The following FHOD3 variants were observed in gnomAD, a reference collection of about 807,000 sequenced individuals.
The protein encoded by FHOD3 is FH1/FH2 domain-containing protein 3.
FHOD3 carries 90 observed loss-of-function variants against 173.0 expected under a neutral mutation model. The ratio of observed to expected loss-of-function variants is 0.52; its 90% confidence interval spans 0.44 to 0.62. The LOEUF (loss-of-function observed/expected upper bound fraction) is 0.62, where lower values mean the gene tolerates loss of function less well. FHOD3 is among the 20% of genes least tolerant of loss of function. The probability of loss-of-function intolerance (pLI) is 0.00; values close to 1 mark genes in which losing one functional copy is unlikely to be tolerated. For missense variants in FHOD3, 1,945 were observed against 2,034.7 expected (o/e 0.96, Z 0.85); for synonymous variants, 828 against 823.0 (o/e 1.01, Z -0.10).
At chr18:36,335,493 TAAA>T (rs56991651) in intron 1 of FHOD3, among the ~76,000 whole-genome samples, 1 of 128,982 alleles carries the variant, frequency 7.8e-6, no homozygotes, top group Non-Finnish European at 1.7e-5. Context: ...AGACTCCGTC[TAAA>T]AAAAAAAAAA....
At chr18:36,649,987 C>A (rs1413977700) in intron 11 of FHOD3, among the ~76,000 whole-genome samples, 1 of 152,094 alleles carries the variant, frequency 6.6e-6, no homozygotes, top group Admixed American at 6.6e-5. Flanking sequence ...ATCTACTCAC[C>A]TCCTCTGCAT....
intron 10 of FHOD3, among the ~76,000 whole-genome samples, chr18:36,643,098 C>T (rs535000743): frequency 1.3e-5 from 2 of 152,172 alleles, no homozygotes; most frequent in African/African-American, 4.8e-5. Flanking sequence ...TGGATTTTCA[C>T]TGCCTGGAAT....
intron 17 of FHOD3, among the ~76,000 whole-genome samples, chr18:36,700,662 C>A (rs971358796): frequency 2.6e-5 from 4 of 152,024 alleles, no homozygotes; most frequent in African/African-American, 7.2e-5. Context: ...TCTCAGCAAC[C>A]CAATTTAAAA....
intron 20 of FHOD3, among the ~76,000 whole-genome samples, chr18:36,739,615 G>T (rs2041807961): frequency 6.6e-6 from 1 of 152,168 alleles, no homozygotes; most frequent in Non-Finnish European, 1.5e-5. Context: ...GTCTCTCCAT[G>T]TGTTTATTAT....
chr18:36,365,667 TG>T (rs2046864704), intron 2 of FHOD3, among the ~76,000 whole-genome samples: 1 of 152,234 alleles, frequency 6.6e-6, no homozygotes, highest in Admixed American at 6.5e-5. Flanking sequence ...GTGGGTTTTA[TG>T]GTACCTAAAT....
intron 28 of FHOD3, among the ~76,000 whole-genome samples, chr18:36,770,299 A>G (rs1248903757): frequency 6.6e-6 from 1 of 152,228 alleles, no homozygotes; most frequent in Non-Finnish European, 1.5e-5. Context: ...CAAAAGTGAA[A>G]GGAGCATGAG....
chr18:36,325,213 T>C (rs1242378900), intron 1 of FHOD3, among the ~76,000 whole-genome samples: 1 of 152,158 alleles, frequency 6.6e-6, no homozygotes, highest in Non-Finnish European at 1.5e-5. Context: ...CTCTGGGTGC[T>C]AGTAGTGCAA....
intron 6 of FHOD3, among the ~76,000 whole-genome samples, chr18:36,588,681 G>T (rs886456579): frequency 1.3e-5 from 2 of 152,104 alleles, no homozygotes; most frequent in Non-Finnish European, 2.9e-5. Context: ...TATAGTTCTT[G>T]TATTTCTGTA....
At chr18:36,556,169 C>A (rs9958510) in intron 5 of FHOD3, among the ~76,000 whole-genome samples, 1 of 151,842 alleles carries the variant, frequency 6.6e-6, no homozygotes, top group Admixed American at 6.6e-5. Flanking sequence ...TAAATAGTGT[C>A]TTTTTAGCTG....
At position 36,746,906 on chromosome 18, in the gene FHOD3, C is replaced by A. The variant is rs375444474; in HGVS notation, c.4042-39C>A. ...TCTCTCAGTTCAGGCTGGTGTCCGG[C>A]GGTTTCAGTGTTTGCAGTGTTCTCG... On this transcript the variant is annotated intron_variant, in intron 23 of 28. Coordinates refer to ENST00000590592, the MANE Select transcript of FHOD3 (RefSeq NM_001281740.3). 7 of 1,504,340 alleles carry A rather than the reference C, an allele frequency of 4.7e-6. No individual in the cohort carries two copies. The African/African-American group carries it at 8.4e-5, about 18-fold the overall frequency. The allele number at this position is 1,504,340 out of a possible 1,614,324, so 93.2% of individuals were successfully genotyped here.
At chr18:36,618,558 C>G (rs1293969082) in intron 9 of FHOD3, among the ~76,000 whole-genome samples, 1 of 152,104 alleles carries the variant, frequency 6.6e-6, no homozygotes, top group Non-Finnish European at 1.5e-5. Context: ...GTGATCCACC[C>G]TCCTCGGCCT....
At chr18:36,452,531 G>A (rs2051916976) in intron 3 of FHOD3, among the ~76,000 whole-genome samples, 1 of 152,162 alleles carries the variant, frequency 6.6e-6, no homozygotes, top group South Asian at 2.1e-4. Flanking sequence ...GCATAGTACA[G>A]CAGATCTTTA....
chr18:36,534,714 G>A (rs2056923576), intron 5 of FHOD3, among the ~76,000 whole-genome samples: 1 of 152,176 alleles, frequency 6.6e-6, no homozygotes, highest in Non-Finnish European at 1.5e-5. Context: ...TTCAAAAGAT[G>A]TAGAGGACTG....
At chr18:36,619,242 C>T (rs1035326597) in intron 9 of FHOD3, among the ~76,000 whole-genome samples, 2 of 152,314 alleles carry the variant, frequency 1.3e-5, no homozygotes, top group East Asian at 3.9e-4. Context: ...GTAGCTGATT[C>T]CCCTAGCAGA....
intron 6 of FHOD3, among the ~76,000 whole-genome samples, chr18:36,576,979 G>A (rs1327946100): frequency 6.6e-6 from 1 of 152,062 alleles, no homozygotes; most frequent in South Asian, 2.1e-4. Context: ...TGTAGTCCCA[G>A]CTGCTCGGGA....
intron 3 of FHOD3, among the ~76,000 whole-genome samples, chr18:36,464,800 A>G (rs1405824045): frequency 2.0e-5 from 3 of 151,028 alleles, no homozygotes; most frequent in Admixed American, 2.0e-4. Context: ...AAGAACAAAG[A>G]CTCATCTTTC....
chr18:36,463,838 T>C (rs185181030), intron 3 of FHOD3, among the ~76,000 whole-genome samples: 10 of 152,340 alleles, frequency 6.6e-5, no homozygotes, highest in Admixed American at 2.0e-4. Context: ...TCTCAGTGCT[T>C]TCTTCGTGTT....
intron 3 of FHOD3, among the ~76,000 whole-genome samples, chr18:36,412,721 G>T (rs1017795031): frequency 4.6e-5 from 7 of 152,132 alleles, no homozygotes; most frequent in Non-Finnish European, 1.0e-4. Flanking sequence ...TTAATTAAAG[G>T]ATGTTTGCTG....
chr18:36,329,320 C>T (rs2044855594), intron 1 of FHOD3, among the ~76,000 whole-genome samples: 2 of 152,110 alleles, frequency 1.3e-5, no homozygotes, highest in Non-Finnish European at 2.9e-5. Flanking sequence ...TGTACCCCCA[C>T]CCCCAAATTC....
Sources: allele counts gnomAD v4.1 joint callset (sites outside exome capture counted in the v4.1 genomes callset), GRCh38; gene constraint gnomAD v4.1.1; transcripts MANE v1.5; gene names NCBI Gene and HGNC (gene_info 2026-07-23, HGNC 2026-07-21).